Variants in FMN1 observed in about 807,000 individuals in gnomAD.
FMN1 encodes formin 1, also known as formin-1.
In FMN1, 110 loss-of-function variants were observed where a neutral mutation model predicts 132.4. The observed-to-expected ratio is 0.83, with a 90% CI of 0.71 to 0.97. The LOEUF is 0.97. FMN1 is among the 50% of genes least tolerant of loss of function. FMN1 has a pLI of 0.00. For synonymous variants in FMN1, 722 were observed against 651.7 expected (o/e 1.11, Z -1.64); for missense variants, 1,792 against 1,705.3 (o/e 1.05, Z -0.90).
chr15:33,121,539 G>A (rs932981291), intron 4 of FMN1, among the ~76,000 whole-genome samples: 5 of 152,092 alleles, frequency 3.3e-5, no homozygotes, highest in Admixed American at 6.6e-5. Flanking sequence ...TGTTTTGTTT[G>A]TTTTGTTTTT....
At chr15:32,888,051 G>GTGTA (rs2059936039) in intron 16 of FMN1, 121 bp downstream of exon 16, 1 of 735,692 alleles carries the variant, frequency 1.4e-6, no homozygotes, top group African/African-American at 1.8e-5. Flanking sequence ...GAAAGCTGTA[G>GTGTA]TGTACCATTG....
At chr15:32,858,338 C>A (rs911899344) in intron 16 of FMN1, among the ~76,000 whole-genome samples, 3 of 152,222 alleles carry the variant, frequency 2.0e-5, no homozygotes, top group Non-Finnish European at 4.4e-5. Flanking sequence ...TGACACTTTT[C>A]ATTTGCAATA....
chr15:32,989,715 G>A (rs1032120482), intron 7 of FMN1, among the ~76,000 whole-genome samples: 6 of 152,112 alleles, frequency 3.9e-5, no homozygotes, highest in Non-Finnish European at 5.9e-5. Flanking sequence ...CTGAATACAC[G>A]CAAGCTATGC....
At chr15:33,184,590 G>A (rs577625357) in intron 2 of FMN1, among the ~76,000 whole-genome samples, 24 of 147,872 alleles carry the variant, frequency 1.6e-4, no homozygotes, top group Admixed American at 6.2e-4. Flanking sequence ...TGCAACCTCC[G>A]CCTCCCGGGT....
chr15:33,012,797 T>A, intron 6 of FMN1: 1 of 685,472 alleles, frequency 1.5e-6, no homozygotes, highest in Non-Finnish European at 2.7e-6. Flanking sequence ...CATGGTGGCT[T>A]TAGTGGCAGC....
chr15:32,965,946 C>T (rs1012749930), intron 8 of FMN1, among the ~76,000 whole-genome samples: 12 of 152,130 alleles, frequency 7.9e-5, no homozygotes, highest in African/African-American at 2.9e-4. Flanking sequence ...GCATAAGCAC[C>T]ACGGATGTTA....
At chr15:32,813,933 C>T (rs2057972374) in intron 17 of FMN1, among the ~76,000 whole-genome samples, 1 of 152,188 alleles carries the variant, frequency 6.6e-6, no homozygotes, top group Non-Finnish European at 1.5e-5. Context: ...TCCAGGATTC[C>T]CAAACACCGA....
At chr15:32,959,964 C>T (rs2030319936) in intron 9 of FMN1, among the ~76,000 whole-genome samples, 1 of 152,140 alleles carries the variant, frequency 6.6e-6, no homozygotes. Context: ...GCAAGCCTTC[C>T]TGAAAGAGGC....
chr15:33,023,719 G>C (rs1207762253), intron 6 of FMN1, among the ~76,000 whole-genome samples: 1 of 152,060 alleles, frequency 6.6e-6, no homozygotes, highest in Non-Finnish European at 1.5e-5. Flanking sequence ...CATTGACACA[G>C]TGATAGAAAA....
chr15:32,877,544 C>A (rs1435063471), intron 16 of FMN1, among the ~76,000 whole-genome samples: 1 of 152,118 alleles, frequency 6.6e-6, no homozygotes, highest in Non-Finnish European at 1.5e-5. Context: ...ATAGAATGCA[C>A]TGAAATAGCA....
chr15:32,912,639 C>A (rs1293381872), intron 10 of FMN1, among the ~76,000 whole-genome samples: 2 of 152,144 alleles, frequency 1.3e-5, no homozygotes, highest in African/African-American at 4.8e-5. Flanking sequence ...AAGAGAAGAC[C>A]TGCAGAGATC....
At chr15:33,122,460 C>T (rs1205009216) in intron 4 of FMN1, among the ~76,000 whole-genome samples, 1 of 152,226 alleles carries the variant, frequency 6.6e-6, no homozygotes, top group African/African-American at 2.4e-5. Context: ...AGACAGTACA[C>T]ATTGGCTCAT....
intron 15 of FMN1, among the ~76,000 whole-genome samples, chr15:32,897,593 G>C (rs1037109904): frequency 1.3e-5 from 2 of 152,166 alleles, no homozygotes; most frequent in South Asian, 4.1e-4. Context: ...CGTGTAGAGG[G>C]AAAGTAATAA....
At chr15:33,084,320 G>T (rs1045720809) in intron 5 of FMN1, among the ~76,000 whole-genome samples, 4 of 152,136 alleles carry the variant, frequency 2.6e-5, no homozygotes, top group African/African-American at 9.7e-5. Flanking sequence ...TGTTTCCTTG[G>T]GTTGTACAAG....
intron 10 of FMN1, 92 bp downstream of exon 10, chr15:32,926,082 C>A: frequency 1.4e-6 from 1 of 717,904 alleles, no homozygotes; most frequent in South Asian, 1.7e-5. Flanking sequence ...TTCATTAGGG[C>A]ATTCTAACTT....
chr15:32,871,952 A>G (rs1271985622), intron 16 of FMN1, among the ~76,000 whole-genome samples: 1 of 152,160 alleles, frequency 6.6e-6, no homozygotes, highest in Non-Finnish European at 1.5e-5. Flanking sequence ...ACACAAGACC[A>G]TAACTGGTGA....
At chr15:32,877,313 G>T (rs1377378777) in intron 16 of FMN1, among the ~76,000 whole-genome samples, 1 of 151,028 alleles carries the variant, frequency 6.6e-6, no homozygotes, top group African/African-American at 2.4e-5. Flanking sequence ...AGGATAGATG[G>T]TATCAACACA....
At chr15:32,939,920 A>G (rs1189636442) in intron 9 of FMN1, among the ~76,000 whole-genome samples, 3 of 152,194 alleles carry the variant, frequency 2.0e-5, no homozygotes, top group Non-Finnish European at 4.4e-5. Flanking sequence ...ATATATTTAC[A>G]TAAGCACAGA....
chr15:33,115,249 T>C (rs976072052), intron 4 of FMN1, among the ~76,000 whole-genome samples: 7 of 152,098 alleles, frequency 4.6e-5, no homozygotes, highest in African/African-American at 1.7e-4. Flanking sequence ...GGCTGTCCTA[T>C]AAGGAGGGTG....
Sources: gnomAD v4.1 joint callset for allele counts (sites outside exome capture counted in the v4.1 genomes callset) on GRCh38, gnomAD v4.1.1 for gene constraint, MANE v1.5 for transcripts, NCBI Gene and HGNC (gene_info 2026-07-23, HGNC 2026-07-21) for gene names.